VMA12: variants seen among roughly 807,000 people sequenced by gnomAD.
VMA12 encodes the protein vacuolar ATPase assembly protein VMA12.
the VMA12 span, chr17:28,359,172 A>C: frequency 4.3e-5 from 43 of 995,480 alleles, no homozygotes; most frequent in East Asian, 7.4e-4. Flanking sequence ...AAAAAAAAAA[A>C]CAGTTTCAAA....
At chr17:28,362,202 G>A in the VMA12 span, 4 of 149,440 alleles carry the variant, frequency 2.7e-5, no homozygotes, top group South Asian at 2.1e-4. Flanking sequence ...TTTTTCCAAA[G>A]CACTTTTCTG....
the VMA12 span, chr17:28,361,662 A>G: frequency 3.6e-4 from 60 of 168,384 alleles, no homozygotes; most frequent in African/African-American, 1.4e-3. Context: ...TTCTCCATAC[A>G]TTTTTAATGC....
At chr17:28,359,223 T>C in the VMA12 span, 1 of 1,350,424 alleles carries the variant, frequency 7.4e-7, no homozygotes, top group East Asian at 2.4e-5. Flanking sequence ...CCTGATACCT[T>C]TAGCAGTGCT....
At chr17:28,361,343 G>A in the VMA12 span, 2 of 1,262,030 alleles carry the variant, frequency 1.6e-6, no homozygotes, top group Non-Finnish European at 2.3e-6. Context: ...CAGACTTTTT[G>A]TATTCAGCTC....
chr17:28,363,607 G>A, the VMA12 span: 2 of 152,220 alleles, frequency 1.3e-5, no homozygotes, highest in Non-Finnish European at 2.9e-5. Context: ...TCCCAGATCT[G>A]TCAGGTTGTC....
the VMA12 span, chr17:28,360,281 G>A: frequency 5.0e-6 from 2 of 398,780 alleles, no homozygotes; most frequent in South Asian, 3.0e-5. Context: ...CTTCTGACAG[G>A]GCTCCCTACT....
At chr17:28,358,448 C>T in the VMA12 span, 8 of 472,208 alleles carry the variant, frequency 1.7e-5, no homozygotes, top group Non-Finnish European at 2.6e-5. Context: ...AGGGAAGGAA[C>T]AGGACAAACT....
the VMA12 span, chr17:28,359,319 C>T: frequency 1.2e-6 from 2 of 1,613,900 alleles, no homozygotes; most frequent in African/African-American, 1.3e-5. Context: ...CTTCAGAACC[C>T]AGAACTAGTT....
chr17:28,358,000 A>G, the VMA12 span: 55 of 1,089,384 alleles, frequency 5.0e-5, no homozygotes, highest in Non-Finnish European at 6.5e-5. Context: ...GTCAAGAGTC[A>G]CTCCATAAAT....
chr17:28,360,343 G>A, the VMA12 span: 1 of 573,138 alleles, frequency 1.7e-6, no homozygotes, highest in South Asian at 1.9e-5. Flanking sequence ...GGTACTGGCA[G>A]CCTATGTCCT....
chr17:28,358,036 C>A, the VMA12 span: 1 of 769,686 alleles, frequency 1.3e-6, no homozygotes, highest in Non-Finnish European at 2.0e-6. Context: ...TTTCTTAACT[C>A]CCATGGGAAT....
At chr17:28,360,633 C>T in the VMA12 span, 1 of 1,605,960 alleles carries the variant, frequency 6.2e-7, no homozygotes, top group Non-Finnish European at 8.5e-7. Context: ...GACACTCAGG[C>T]TTGTTGTTTG....
At chr17:28,362,281 T>C in the VMA12 span, 1 of 152,106 alleles carries the variant, frequency 6.6e-6, no homozygotes, top group Non-Finnish European at 1.5e-5. Context: ...TTTCTGTTAG[T>C]TGGGAGAAGT....
chr17:28,360,822 A>C, the VMA12 span: 1 of 1,613,960 alleles, frequency 6.2e-7, no homozygotes, highest in Admixed American at 1.7e-5. Context: ...CTTGGAAGCC[A>C]ATATATCTTC....
the VMA12 span, chr17:28,358,856 A>C: frequency 2.8e-6 from 4 of 1,413,276 alleles, no homozygotes; most frequent in East Asian, 9.1e-5. Flanking sequence ...ACCCCTCTTG[A>C]TCTTAACCCT....
At chr17:28,358,013 C>CA in the VMA12 span, 1 of 906,814 alleles carries the variant, frequency 1.1e-6, no homozygotes, top group African/African-American at 1.7e-5. Flanking sequence ...CCATAAATCC[C>CA]AGGGCCACCC....
chr17:28,360,518 CT>C, the VMA12 span: 1 of 1,613,910 alleles, frequency 6.2e-7, no homozygotes. Context: ...TCTTCTTTTT[CT>C]TTTTCCCAGG....
the VMA12 span, chr17:28,361,897 GGT>G: frequency 6.6e-6 from 1 of 152,540 alleles, no homozygotes; most frequent in African/African-American, 2.4e-5. Flanking sequence ...TGATCACTAT[GGT>G]CCTTCTTCTG....
At chr17:28,358,200 T>C in the VMA12 span, 3 of 417,928 alleles carry the variant, frequency 7.2e-6, no homozygotes, top group South Asian at 6.4e-5. Flanking sequence ...TTTTCTCCAC[T>C]TTAGGAATCA....
Sources: gnomAD v4.1 joint callset for allele counts on GRCh38, gnomAD v4.1.1 for gene constraint, MANE v1.5 for transcripts, NCBI Gene and HGNC (gene_info 2026-07-23, HGNC 2026-07-21) for gene names.